The following TMOD3 variants were observed in gnomAD, a reference collection of about 807,000 sequenced individuals.
TMOD3 encodes tropomodulin 3.
A neutral mutation model predicts 39.2 loss-of-function variants in TMOD3; 20 were observed. The observed-to-expected ratio is 0.51, with a 90% CI of 0.36 to 0.74. TMOD3 has a LOEUF of 0.74. Ranked by LOEUF, TMOD3 falls within the 30% of genes least tolerant of loss-of-function variation. The pLI is 0.00. For synonymous variants in TMOD3, 143 were observed against 145.8 expected (o/e 0.98, Z 0.14); for missense variants, 381 against 412.8 (o/e 0.92, Z 0.67).
intron 1 of TMOD3, chr15:51,833,449 A>G (rs567947351): frequency 1.3e-5 from 2 of 152,372 alleles, no homozygotes; most frequent in South Asian, 4.1e-4. Flanking sequence ...TGACAATTGT[A>G]TACACTGTAA....
intron 3 of TMOD3, among the ~76,000 whole-genome samples, chr15:51,885,277 CTT>C (rs2056554200): frequency 8.5e-6 from 1 of 117,584 alleles, no homozygotes; most frequent in South Asian, 2.9e-4. Flanking sequence ...TAACTAGTTT[CTT>C]TTTTCTTTTT....
chr15:51,908,841 CA>C lies in TMOD3; in HGVS notation c.*32del. ...CAAAGGTGTAATCTTTGGAAGACTT[CA>C]GAAGATCACCAAGGGCTCATGTTGG... On this transcript the variant is annotated 3_prime_UTR_variant, in exon 10 of 10. Coordinates refer to ENST00000308580, the MANE Select transcript of TMOD3 (RefSeq NM_014547.5). 1 of 1,581,412 alleles carries C rather than the reference CA, an allele frequency of 6.3e-7. No individual in the cohort carries two copies. Among genetic ancestry groups the C allele is most frequent in the Non-Finnish European group, 8.6e-7 (1 of 1,163,456 alleles).
chr15:51,885,145 T>C (rs1403835212), intron 3 of TMOD3, among the ~76,000 whole-genome samples: 1 of 152,230 alleles, frequency 6.6e-6, no homozygotes, highest in Admixed American at 6.5e-5. Context: ...TCTTGTTTGG[T>C]CAGCTAGTGC....
At position 51,830,423 on chromosome 15, in the gene TMOD3, A is replaced by T. The variant is rs1266399101; in HGVS notation, c.-75+587A>T. 2.0e-5 allele frequency among the ~76,000 whole-genome samples: 3 copies of T among 152,088 alleles called. No homozygotes were observed. The East Asian group carries it at 5.8e-4, about 29-fold the overall frequency. ...TGTGTTAGTTTGTTTTGAGGACGTG[A>T]CTGTGTCGTTATATTTTTGCTTGCG... On this transcript the variant is annotated intron_variant, in intron 1 of 9. Transcript: ENST00000308580.
chr15:51,882,683 C>A (rs1023106863), intron 3 of TMOD3, among the ~76,000 whole-genome samples: 14 of 152,110 alleles, frequency 9.2e-5, no homozygotes, highest in Non-Finnish European at 2.9e-5. Flanking sequence ...AAATGTCTTT[C>A]TAGTCCACCA....
intron 7 of TMOD3, 105 bp from the exon 8 acceptor site, chr15:51,900,050 G>A: frequency 9.1e-7 from 1 of 1,096,860 alleles, no homozygotes. Flanking sequence ...AACAACTAAT[G>A]ACAAACATTA....
At chr15:51,897,470 CA>C (rs1365380888) in intron 7 of TMOD3, among the ~76,000 whole-genome samples, 183 of 125,054 alleles carry the variant, frequency 1.5e-3, no homozygotes, top group African/African-American at 4.7e-3. Flanking sequence ...CTCAGGCAAA[CA>C]AAAAAAAAAA....
At chr15:51,902,841 C>G (rs909177823) in intron 9 of TMOD3, among the ~76,000 whole-genome samples, 1 of 151,890 alleles carries the variant, frequency 6.6e-6, no homozygotes, top group Non-Finnish European at 1.5e-5. Flanking sequence ...TTAGTAGAGA[C>G]AGGGTTTCAC....
intron 1 of TMOD3, among the ~76,000 whole-genome samples, chr15:51,845,214 A>G (rs1202761824): frequency 6.6e-6 from 1 of 152,174 alleles, no homozygotes; most frequent in Non-Finnish European, 1.5e-5. Context: ...GCCAAGTCTC[A>G]TCTACTGGTA....
At chr15:51,895,330 G>T (rs936245590) in intron 6 of TMOD3, among the ~76,000 whole-genome samples, 1 of 148,450 alleles carries the variant, frequency 6.7e-6, no homozygotes, top group Non-Finnish European at 1.5e-5. Flanking sequence ...AGCAATTCTT[G>T]TGTCTCAGCC....
intron 1 of TMOD3, among the ~76,000 whole-genome samples, chr15:51,851,241 C>T (rs2056360488): frequency 2.6e-5 from 4 of 152,248 alleles, no homozygotes; most frequent in Admixed American, 1.3e-4. Context: ...ATCATCACTA[C>T]GGTTCCTGGG....
chr15:51,859,257 A>G, intron 1 of TMOD3: 2 of 741,536 alleles, frequency 2.7e-6, no homozygotes, highest in Non-Finnish European at 5.1e-6. Context: ...CAACATTTTC[A>G]TTGCTCGCCA....
intron 1 of TMOD3, among the ~76,000 whole-genome samples, chr15:51,836,734 AAAG>A (rs762155680): frequency 0.075 from 3,935 of 52,740 alleles, 85 homozygotes; most frequent in Non-Finnish European, 0.12. Context: ...AAAAAAAAAA[AAAG>A]AAAAAAGAAA....
chr15:51,867,734 T>A (rs1291998081), intron 2 of TMOD3, among the ~76,000 whole-genome samples: 3 of 152,242 alleles, frequency 2.0e-5, no homozygotes, highest in Admixed American at 6.5e-5. Context: ...TTTCTCTGGC[T>A]GCCTCCCATT....
intron 1 of TMOD3, among the ~76,000 whole-genome samples, chr15:51,831,090 A>G (rs972478276): frequency 6.6e-6 from 1 of 152,218 alleles, no homozygotes; most frequent in Non-Finnish European, 1.5e-5. Flanking sequence ...CGTTTTTAAA[A>G]GTTCATTTAT....
At chr15:51,860,990 C>T (rs1211062178) in intron 1 of TMOD3, 2 of 582,584 alleles carry the variant, frequency 3.4e-6, no homozygotes, top group South Asian at 3.0e-5. Flanking sequence ...CGTCTTTCCT[C>T]TTTGCTGAGG....
rs897798117 is a variant in TMOD3, at chr15:51,896,659, C to T, written c.735+133C>T. ...TCACTATTAGGCAGTATATTACTTA[C>T]CAGCTTTTTGTGTTTATTTTTTCCT... On this transcript the variant is annotated intron_variant, in intron 7 of 9. Coordinates refer to ENST00000308580, the MANE Select transcript of TMOD3 (RefSeq NM_014547.5). The T allele has an allele frequency of 7.3e-6, 4 of 546,474 alleles. No homozygotes were observed. In the East Asian group the frequency reaches 9.0e-5, roughly 12 times the overall value. 33.9% of individuals were successfully genotyped at this position (546,474 alleles called of 1,614,324 possible).
intron 7 of TMOD3, among the ~76,000 whole-genome samples, chr15:51,899,902 C>G (rs2056640810): frequency 6.6e-6 from 1 of 152,076 alleles, no homozygotes; most frequent in South Asian, 2.1e-4. Flanking sequence ...AGGTTATATG[C>G]AAATACTATG....
intron 8 of TMOD3, 88 bp downstream of exon 8, chr15:51,900,386 G>T (rs560579888): frequency 2.9e-4 from 419 of 1,466,680 alleles, no homozygotes; most frequent in Non-Finnish European, 3.6e-4. Flanking sequence ...ATGGGAGGCG[G>T]GCTGTCAGGG....
Sources: gnomAD v4.1 joint callset for allele counts (sites outside exome capture counted in the v4.1 genomes callset) on GRCh38, gnomAD v4.1.1 for gene constraint, MANE v1.5 for transcripts, NCBI Gene and HGNC (gene_info 2026-07-23, HGNC 2026-07-21) for gene names.